Variants in NTM observed in about 807,000 individuals in gnomAD.
The protein encoded by NTM is neurotrimin, also known as IgLON family member 2.
NTM carries 13 observed loss-of-function variants against 42.1 expected under a neutral mutation model. That is an observed-to-expected ratio of 0.31 (90% confidence interval 0.20 to 0.49). The LOEUF (loss-of-function observed/expected upper bound fraction) is 0.49. Among genes scored for constraint, NTM ranks in the 20% least tolerant of loss-of-function variants. NTM has a pLI of 0.99. For synonymous variants in NTM, 187 were observed against 179.2 expected (o/e 1.04, Z -0.35); for missense variants, 373 against 452.8 (o/e 0.82, Z 1.60).
At chr11:131,677,458 T>C (rs971414022) in intron 1 of NTM, among the ~76,000 whole-genome samples, 1 of 152,176 alleles carries the variant, frequency 6.6e-6, no homozygotes, top group Middle Eastern at 3.2e-3. Flanking sequence ...CATAGTGAGA[T>C]TGAAAAACTT....
intron 2 of NTM, among the ~76,000 whole-genome samples, chr11:132,029,917 C>G (rs1282542093): frequency 6.6e-6 from 1 of 152,174 alleles, no homozygotes; most frequent in Non-Finnish European, 1.5e-5. Flanking sequence ...TAGGAGGCAT[C>G]AGCAGTGTTC....
intron 1 of NTM, among the ~76,000 whole-genome samples, chr11:131,655,728 G>C (rs1349896958): frequency 6.6e-6 from 1 of 152,232 alleles, no homozygotes; most frequent in Non-Finnish European, 1.5e-5. Flanking sequence ...TCTGACTGTG[G>C]AAATTAATAA....
intron 2 of NTM, among the ~76,000 whole-genome samples, chr11:132,133,367 G>C (rs1394611834): frequency 6.6e-6 from 1 of 152,176 alleles, no homozygotes; most frequent in Admixed American, 6.5e-5. Context: ...TGTCTTGTTT[G>C]CCTCTGCATT....
At chr11:131,612,054 T>A (rs1210329513) in intron 1 of NTM, among the ~76,000 whole-genome samples, 1 of 152,150 alleles carries the variant, frequency 6.6e-6, no homozygotes, top group African/African-American at 2.4e-5. Context: ...GACAGTATTA[T>A]CACATTTGCC....
chr11:131,811,704 T>G (rs1527773), intron 1 of NTM, among the ~76,000 whole-genome samples: 122,993 of 152,130 alleles, frequency 0.81, 50,373 homozygotes, highest in African/African-American at 0.93. Flanking sequence ...GCAGAGTGAG[T>G]CGTGATGGAT....
intron 1 of NTM, among the ~76,000 whole-genome samples, chr11:131,737,441 A>G (rs2080613884): frequency 6.6e-6 from 1 of 152,202 alleles, no homozygotes; most frequent in Non-Finnish European, 1.5e-5. Context: ...TCTCAGTAGA[A>G]GAGAAACCAT....
chr11:132,153,841 TATAAG>T (rs551853669), intron 3 of NTM, among the ~76,000 whole-genome samples: 179 of 152,266 alleles, frequency 1.2e-3, no homozygotes, highest in African/African-American at 4.2e-3. Flanking sequence ...ATATCTGTCT[TATAAG>T]GTAACAGGGA....
chr11:132,303,780 A>G (rs1050109974), intron 4 of NTM, among the ~76,000 whole-genome samples: 7 of 151,070 alleles, frequency 4.6e-5, no homozygotes, highest in Non-Finnish European at 1.0e-4. Context: ...GAGAACTAGC[A>G]TGGCCTGGCA....
chr11:132,000,000 C>A (rs2068871563), intron 2 of NTM, among the ~76,000 whole-genome samples: 1 of 151,728 alleles, frequency 6.6e-6, no homozygotes. Flanking sequence ...TTTCTTTTTT[C>A]CCCTTCCACC....
At chr11:131,910,059 T>C (rs1295439771) in intron 1 of NTM, 4 of 152,222 alleles carry the variant, frequency 2.6e-5, no homozygotes, top group Non-Finnish European at 5.9e-5. Context: ...AAGAGGCTTC[T>C]GTGATTTTGG....
chr11:132,331,122 TCTTTA>T (rs1304783579), intron 8 of NTM, among the ~76,000 whole-genome samples: 1 of 152,356 alleles, frequency 6.6e-6, no homozygotes, highest in East Asian at 1.9e-4. Context: ...CACTCTCTTC[TCTTTA>T]TTCTCTGAAG....
intron 1 of NTM, among the ~76,000 whole-genome samples, chr11:131,836,544 C>G (rs4937662): frequency 6.6e-6 from 1 of 151,948 alleles, no homozygotes; most frequent in Non-Finnish European, 1.5e-5. Context: ...ATTATCTACA[C>G]TAGTATGCAA....
intron 1 of NTM, among the ~76,000 whole-genome samples, chr11:131,885,914 C>A (rs1023541585): frequency 2.0e-5 from 3 of 152,082 alleles, no homozygotes; most frequent in African/African-American, 7.2e-5. Context: ...AAGTGGGGTA[C>A]GTCACTCTGA....
chr11:132,098,634 G>A (rs1054758637), intron 2 of NTM, among the ~76,000 whole-genome samples: 1 of 152,230 alleles, frequency 6.6e-6, no homozygotes, highest in African/African-American at 2.4e-5. Context: ...AGGCAAGTCT[G>A]GCTACTAGCC....
chr11:131,956,241 C>T (rs1009162477), intron 2 of NTM, among the ~76,000 whole-genome samples: 9 of 152,194 alleles, frequency 5.9e-5, no homozygotes, highest in African/African-American at 1.9e-4. Flanking sequence ...TTCACTTCCA[C>T]GTCTGAATGG....
At chr11:132,008,844 C>T (rs1318532340) in intron 2 of NTM, among the ~76,000 whole-genome samples, 4 of 150,496 alleles carry the variant, frequency 2.7e-5, no homozygotes, top group Admixed American at 6.6e-5. Flanking sequence ...TTTTCTTTTC[C>T]TTTTCTTTCT....
At chr11:132,139,859 A>G (rs1247044833) in intron 2 of NTM, among the ~76,000 whole-genome samples, 1 of 152,220 alleles carries the variant, frequency 6.6e-6, no homozygotes, top group Non-Finnish European at 1.5e-5. Context: ...TTGTGTGCCT[A>G]CGTTGTACTC....
chr11:131,705,373 G>T (rs967768427), intron 1 of NTM, among the ~76,000 whole-genome samples: 1 of 152,060 alleles, frequency 6.6e-6, no homozygotes, highest in Non-Finnish European at 1.5e-5. Context: ...ACTTCACTCG[G>T]CAAAGCTATC....
rs77948373 is a variant in NTM at position 132,235,944 on chromosome 11, G to A, written c.526+23797G>A. ...GAATACATGTCATCAAAATGCCTTC[G>A]ATTTGGTTTAAAAAGTCAGCCCTCA... On this transcript the variant is annotated intron_variant, in intron 4 of 8. Coordinates refer to ENST00000683400, the MANE Select transcript of NTM (RefSeq NM_001352005.2). 4.1e-4 allele frequency among the ~76,000 whole-genome samples: 62 copies of A among 151,558 alleles called. No individual in the cohort carries two copies. In the East Asian group the frequency reaches 0.01, roughly 25 times the overall value.
Sources: allele counts gnomAD v4.1 joint callset (sites outside exome capture counted in the v4.1 genomes callset), GRCh38; gene constraint gnomAD v4.1.1; transcripts MANE v1.5; gene names NCBI Gene and HGNC (gene_info 2026-07-23, HGNC 2026-07-21).